The following FRS2 variants were observed in gnomAD, a reference collection of about 807,000 sequenced individuals.
FRS2 encodes the protein fibroblast growth factor receptor substrate 2.
Under a neutral mutation model 43.9 loss-of-function variants are expected in FRS2, and 8 were observed. The observed-to-expected ratio is 0.18, with a 90% CI of 0.11 to 0.33. The LOEUF (loss-of-function observed/expected upper bound fraction) is 0.33. Among genes scored for constraint, FRS2 ranks in the 10% least tolerant of loss-of-function variants. The probability of loss-of-function intolerance (pLI) is 1.00; values close to 1 mark genes in which losing one functional copy is unlikely to be tolerated. For missense variants in FRS2, 534 were observed against 627.6 expected, an observed-to-expected ratio of 0.85 and a Z score of 1.59; for synonymous variants, 219 against 220.3, an observed-to-expected ratio of 0.99 and a Z score of 0.05.
chr12:69,485,172 C>CTTAT (rs112733263), intron 1 of FRS2, among the ~76,000 whole-genome samples: 5,003 of 146,110 alleles, frequency 0.034, 129 homozygotes, highest in East Asian at 0.095. Context: ...CAGAAGTTTA[C>CTTAT]TTATTTATTT....
At chr12:69,566,391 C>T (rs184094641) in intron 4 of FRS2, among the ~76,000 whole-genome samples, 61 of 152,170 alleles carry the variant, frequency 4.0e-4, no homozygotes, top group African/African-American at 1.2e-3. Flanking sequence ...TAAAAAATGT[C>T]TCTATCAATT....
At chr12:69,471,445 GA>G (rs1452189323) in intron 1 of FRS2, among the ~76,000 whole-genome samples, 3 of 152,132 alleles carry the variant, frequency 2.0e-5, no homozygotes, top group African/African-American at 7.2e-5. Context: ...TTTTCTTAAG[GA>G]AAAATTGTTC....
chr12:69,517,934 G>T (rs528081460), intron 1 of FRS2, among the ~76,000 whole-genome samples: 1 of 152,074 alleles, frequency 6.6e-6, no homozygotes, highest in African/African-American at 2.4e-5. Context: ...AATTTATAGG[G>T]CTTGTCTTTT....
In FRS2 at chr12:69,568,510, TCTGCCTGC is replaced by T. The variant is rs201681343; in HGVS notation, c.-26-475_-26-468del. ...GAGCCCAGCCTTGGGCAACATAATG[TCTGCCTGC>T]CTGCCTGCCTGCCTGCCTGTCTCTG... On this transcript the variant is annotated intron_variant, in intron 4 of 8. Coordinates refer to ENST00000549921, the MANE Select transcript of FRS2 (RefSeq NM_001278356.2). Among the ~76,000 whole-genome samples the T allele has an allele frequency of 5.3e-5, 8 of 150,890 alleles. No individual in the cohort carries two copies. The East Asian group carries it at 9.9e-4, about 19-fold the overall frequency.
intron 3 of FRS2, among the ~76,000 whole-genome samples, chr12:69,555,584 A>G (rs954808275): frequency 2.6e-5 from 4 of 152,140 alleles, no homozygotes; most frequent in Non-Finnish European, 4.4e-5. Flanking sequence ...CCACTTATAG[A>G]TGGATTTTGT....
intron 3 of FRS2, among the ~76,000 whole-genome samples, chr12:69,544,857 T>G (rs2135715920): frequency 6.6e-6 from 1 of 152,238 alleles, no homozygotes. Context: ...AATTCCCACT[T>G]TCACCAATTC....
chr12:69,496,285 A>G (rs1383107103), intron 1 of FRS2, among the ~76,000 whole-genome samples: 5 of 152,086 alleles, frequency 3.3e-5, no homozygotes, highest in Non-Finnish European at 7.3e-5. Flanking sequence ...AAATACAAAA[A>G]AATTAGCCGG....
At chr12:69,508,294 T>C (rs192252882) in intron 1 of FRS2, among the ~76,000 whole-genome samples, 5 of 152,280 alleles carry the variant, frequency 3.3e-5, no homozygotes, top group Admixed American at 3.3e-4. Flanking sequence ...TTTTATAAAA[T>C]ATATCCAAAT....
At chr12:69,570,129 T>C (rs1880624157) in intron 5 of FRS2, among the ~76,000 whole-genome samples, 2 of 152,370 alleles carry the variant, frequency 1.3e-5, no homozygotes, top group Middle Eastern at 3.4e-3. Flanking sequence ...GTATTGACTT[T>C]GTGTTTCTAC....
At chr12:69,521,451 G>T (rs959933550) in intron 1 of FRS2, among the ~76,000 whole-genome samples, 1 of 152,080 alleles carries the variant, frequency 6.6e-6, no homozygotes, top group Admixed American at 6.5e-5. Flanking sequence ...GAATAGAAGT[G>T]GTGGCAAGAG....
chr12:69,497,485 A>G (rs1387297695), intron 1 of FRS2, among the ~76,000 whole-genome samples: 3 of 152,184 alleles, frequency 2.0e-5, no homozygotes, highest in Non-Finnish European at 4.4e-5. Flanking sequence ...TGCTCCCTTC[A>G]ACCTCTTTTA....
intron 1 of FRS2, among the ~76,000 whole-genome samples, chr12:69,490,440 T>C (rs1283613097): frequency 6.6e-6 from 1 of 151,812 alleles, no homozygotes; most frequent in Non-Finnish European, 1.5e-5. Flanking sequence ...GGTTTTTTTT[T>C]TTTTTTTGGC....
chr12:69,487,629 C>T (rs1872075976), intron 1 of FRS2, among the ~76,000 whole-genome samples: 1 of 152,104 alleles, frequency 6.6e-6, no homozygotes, highest in Non-Finnish European at 1.5e-5. Flanking sequence ...ATTCTGCAGC[C>T]CATAGATTGA....
Position 69,511,858 on chromosome 12 carries a change from C to G in FRS2, c.-260-19007C>G, listed in dbSNP as rs75784687. Among the ~76,000 whole-genome samples the G allele has an allele frequency of 1.8e-4, 28 of 152,286 alleles. No individual in the cohort carries two copies. The East Asian group carries it at 5.4e-3, about 29-fold the overall frequency. On this transcript the variant is annotated intron_variant, in intron 1 of 8. Transcript: ENST00000549921. The stretch of plus-strand genomic sequence containing the variant: ...GTATGTAACCTAAAAACAAAAAATA[C>G]CTCAGTAAATATTGGCTGCTCTTAT...
intron 3 of FRS2, among the ~76,000 whole-genome samples, chr12:69,545,587 C>T (rs139322969): frequency 6.6e-6 from 1 of 152,004 alleles, no homozygotes; most frequent in African/African-American, 2.4e-5. Context: ...GAAACCCTGT[C>T]TCTACTAAAA....
In FRS2 at chr12:69,470,448, G is replaced by A. The variant is rs931349691; in HGVS notation, c.-343G>A. ...GCGGCTGAGACTCGATCTGCTCCAA[G>A]TAGGGGCTCCAGCGCGGGTCGGAGT... On this transcript the variant is annotated 5_prime_UTR_variant, in exon 1 of 9. Coordinates refer to ENST00000549921, the MANE Select transcript of FRS2 (RefSeq NM_001278356.2). 6.1e-4 allele frequency: 244 copies of A among 398,456 alleles called. 9 individuals carry two copies. In the Admixed American group the frequency reaches 0.011, roughly 17 times the overall value. The allele number at this position is 398,456 out of a possible 1,614,324, so 24.7% of individuals were successfully genotyped here.
At position 69,578,950 on chromosome 12, in the gene FRS2, G is replaced by A. The variant is rs540023894; in HGVS notation, c.*3995G>A. 15 of 152,636 alleles carry A rather than the reference G, an allele frequency of 9.8e-5. No homozygotes were observed. Among genetic ancestry groups the A allele is most frequent in the Non-Finnish European group, 1.9e-4 (13 of 68,012 alleles). The allele number at this position is 152,636 out of a possible 1,614,324, so 9.5% of individuals were successfully genotyped here. A position where few individuals can be genotyped will look rare whatever the true frequency, so the allele number is the denominator to read the frequency against. On this transcript the variant is annotated 3_prime_UTR_variant, in exon 9 of 9. Coordinates refer to ENST00000549921, the MANE Select transcript of FRS2 (RefSeq NM_001278356.2). ...CTAATAAAAAGACATAAGTGATACT[G>A]TACTATGCATACATTGTATCTTAAT...
intron 3 of FRS2, among the ~76,000 whole-genome samples, chr12:69,538,197 TTATATATATATA>T (rs151295024): frequency 3.7e-4 from 30 of 81,614 alleles, no homozygotes; most frequent in South Asian, 1.0e-3. Context: ...AAAACAAATT[TTATATATATATA>T]TATATATATA....
chr12:69,520,733 C>T (rs1037598485), intron 1 of FRS2, among the ~76,000 whole-genome samples: 5 of 151,772 alleles, frequency 3.3e-5, no homozygotes, highest in African/African-American at 9.7e-5. Context: ...TGTAGTTGTG[C>T]GGCCGTATTT....
Sources: allele counts gnomAD v4.1 joint callset (sites outside exome capture counted in the v4.1 genomes callset), GRCh38; gene constraint gnomAD v4.1.1; transcripts MANE v1.5; gene names NCBI Gene and HGNC (gene_info 2026-07-23, HGNC 2026-07-21).